UBE2E1: variants seen among roughly 807,000 people sequenced by gnomAD.
UBE2E1 encodes ubiquitin conjugating enzyme E2 E1.
Under a neutral mutation model 21.4 loss-of-function variants are expected in UBE2E1, and 6 were observed. That is an observed-to-expected ratio of 0.28 (90% CI 0.15 to 0.55). The LOEUF is 0.55. Ranked by LOEUF, UBE2E1 falls within the 20% of genes least tolerant of loss-of-function variation. The probability of loss-of-function intolerance (pLI) is 0.93; values close to 1 mark genes in which losing one functional copy is unlikely to be tolerated. For synonymous variants in UBE2E1, 87 were observed against 82.7 expected (o/e 1.05, Z -0.28); for missense variants, 142 against 236.5 (o/e 0.60, Z 2.62).
At chr3:23,862,860 G>A (rs529252722) in intron 3 of UBE2E1, among the ~76,000 whole-genome samples, 4 of 151,996 alleles carry the variant, frequency 2.6e-5, no homozygotes, top group Admixed American at 6.5e-5. Context: ...CAAGTAGCTG[G>A]GGCTACAGGC....
intron 3 of UBE2E1, among the ~76,000 whole-genome samples, chr3:23,819,287 A>G (rs1334524759): frequency 1.3e-5 from 2 of 152,052 alleles, no homozygotes; most frequent in Non-Finnish European, 2.9e-5. Context: ...CCATCTCAAA[A>G]TAAATAAATA....
At chr3:23,857,477 A>G (rs770511208) in intron 3 of UBE2E1, among the ~76,000 whole-genome samples, 14 of 152,192 alleles carry the variant, frequency 9.2e-5, no homozygotes, top group Non-Finnish European at 1.6e-4. Flanking sequence ...CTTATAAAGA[A>G]CACATTCAGT....
At chr3:23,828,135 AT>A in intron 3 of UBE2E1, among the ~76,000 whole-genome samples, 1 of 152,354 alleles carries the variant, frequency 6.6e-6, no homozygotes, top group South Asian at 2.1e-4. Context: ...TTTTTAAAAA[AT>A]ATGATTATTT....
chr3:23,830,256 G>A (rs1699841005), intron 3 of UBE2E1, among the ~76,000 whole-genome samples: 1 of 152,124 alleles, frequency 6.6e-6, no homozygotes, highest in Admixed American at 6.6e-5. Flanking sequence ...CAAGAGCATG[G>A]AGTGGATAGA....
Position 23,810,469 on chromosome 3 carries a change from G to C in UBE2E1, c.153-991G>C. The C allele has an allele frequency of 6.5e-7, 1 of 1,535,850 alleles. No homozygotes were observed. Among genetic ancestry groups the C allele is most frequent in the East Asian group, 2.4e-5 (1 of 40,874 alleles). On this transcript the variant is annotated intron_variant, in intron 2 of 5. Coordinates refer to ENST00000306627, the MANE Select transcript of UBE2E1 (RefSeq NM_003341.5). The surrounding 1 kb of genome is among the most constrained non-coding windows in gnomAD (Gnocchi z 5.8). Reference sequence around the variant, plus strand: ...GTCTATCCCCAGTGTGAGCTAGAGAGCGGACCATGAAGGAAGTGGGCAGAC... The same window carrying C: ...GTCTATCCCCAGTGTGAGCTAGAGACCGGACCATGAAGGAAGTGGGCAGAC...
chr3:23,854,610 CTAAT>C (rs1266970624), intron 3 of UBE2E1, among the ~76,000 whole-genome samples: 3 of 152,138 alleles, frequency 2.0e-5, no homozygotes, highest in Non-Finnish European at 4.4e-5. Context: ...AAAGCCCTAA[CTAAT>C]AAGCTATTAG....
At chr3:23,879,771 T>C (rs1700995285) in intron 3 of UBE2E1, among the ~76,000 whole-genome samples, 1 of 152,244 alleles carries the variant, frequency 6.6e-6, no homozygotes, top group Admixed American at 6.5e-5. Context: ...AGCATGCTTA[T>C]CTTCCTATCT....
chr3:23,845,874 T>G (rs774101367), intron 3 of UBE2E1, among the ~76,000 whole-genome samples: 12 of 152,178 alleles, frequency 7.9e-5, no homozygotes, highest in Non-Finnish European at 1.5e-4. Flanking sequence ...AATATAAAAT[T>G]TATTAATAGT....
chr3:23,854,480 T>C (rs1351429222), intron 3 of UBE2E1, among the ~76,000 whole-genome samples: 1 of 152,234 alleles, frequency 6.6e-6, no homozygotes, highest in Non-Finnish European at 1.5e-5. Flanking sequence ...TTAATGACAC[T>C]GTCTGTCCCT....
At chr3:23,839,637 G>A (rs1700043672) in intron 3 of UBE2E1, among the ~76,000 whole-genome samples, 1 of 151,772 alleles carries the variant, frequency 6.6e-6, no homozygotes. Context: ...AGGTCTGCTG[G>A]TGACAAATTC....
At chr3:23,860,711 C>G (rs1162196113) in intron 3 of UBE2E1, among the ~76,000 whole-genome samples, 4 of 152,164 alleles carry the variant, frequency 2.6e-5, no homozygotes, top group Admixed American at 6.5e-5. Context: ...TTGCTATAAG[C>G]CATAAACATC....
chr3:23,883,785 G>A (rs1156506154), intron 3 of UBE2E1, among the ~76,000 whole-genome samples: 3 of 151,778 alleles, frequency 2.0e-5, no homozygotes, highest in South Asian at 2.1e-4. Flanking sequence ...GCATGGCGGC[G>A]CACACCTGTA....
intron 2 of UBE2E1, 48 bp from the exon 3 acceptor site, chr3:23,811,412 G>A (rs2125279669): frequency 2.5e-6 from 4 of 1,601,508 alleles, no homozygotes; most frequent in Non-Finnish European, 3.4e-6. Context: ...GGAGGCTTCC[G>A]CGCCTTAATG....
intron 3 of UBE2E1, among the ~76,000 whole-genome samples, chr3:23,834,591 C>T: frequency 6.6e-6 from 1 of 152,154 alleles, no homozygotes; most frequent in African/African-American, 2.4e-5. Flanking sequence ...AGGCCAGGTG[C>T]CATGGTTCAA....
At chr3:23,856,101 A>G (rs1370012281) in intron 3 of UBE2E1, among the ~76,000 whole-genome samples, 2 of 152,018 alleles carry the variant, frequency 1.3e-5, no homozygotes, top group South Asian at 4.2e-4. Context: ...ATCTCGGCTC[A>G]CTGCAACCTC....
intron 3 of UBE2E1, among the ~76,000 whole-genome samples, chr3:23,839,712 G>A (rs1209405822): frequency 1.3e-5 from 2 of 151,846 alleles, no homozygotes; most frequent in Non-Finnish European, 2.9e-5. Flanking sequence ...GTTGGATATA[G>A]GATTTTAGGC....
intron 3 of UBE2E1, among the ~76,000 whole-genome samples, chr3:23,882,320 C>T (rs1198978247): frequency 2.0e-5 from 3 of 152,202 alleles, no homozygotes; most frequent in Non-Finnish European, 4.4e-5. Context: ...CTCCAAGTCC[C>T]CACTAGATTA....
chr3:23,850,454 T>A (rs1700297077), intron 3 of UBE2E1, among the ~76,000 whole-genome samples: 1 of 152,132 alleles, frequency 6.6e-6, no homozygotes, highest in African/African-American at 2.4e-5. Context: ...AGTTTACCTA[T>A]TTTTCTTTTG....
At chr3:23,869,099 G>A (rs1700721632) in intron 3 of UBE2E1, among the ~76,000 whole-genome samples, 1 of 152,088 alleles carries the variant, frequency 6.6e-6, no homozygotes, top group Non-Finnish European at 1.5e-5. Flanking sequence ...CCAAGAAGCA[G>A]AATTTCTATA....
Sources: gnomAD v4.1 joint callset for allele counts (sites outside exome capture counted in the v4.1 genomes callset) on GRCh38, gnomAD v4.1.1 for gene constraint, Gnocchi (gnomAD v3.1) non-coding constraint, MANE v1.5 for transcripts, NCBI Gene and HGNC (gene_info 2026-07-23, HGNC 2026-07-21) for gene names.